PHC3: variants seen among roughly 807,000 people sequenced by gnomAD.
The protein encoded by PHC3 is polyhomeotic-like protein 3.
A neutral mutation model predicts 107.4 loss-of-function variants in PHC3; 13 were observed. The observed-to-expected ratio is 0.12, with a 90% CI of 0.08 to 0.19. The LOEUF (loss-of-function observed/expected upper bound fraction) is 0.19, where lower values mean the gene tolerates loss of function less well. Ranked by LOEUF, PHC3 falls within the 10% of genes least tolerant of loss-of-function variation. The probability of loss-of-function intolerance (pLI) is 1.00; values close to 1 mark genes in which losing one functional copy is unlikely to be tolerated. For synonymous variants in PHC3, 456 were observed against 427.4 expected (o/e 1.07, Z -0.83); for missense variants, 992 against 1,210.9 (o/e 0.82, Z 2.68).
Position 170,178,935 on chromosome 3 carries a change from A to C in PHC3, c.18T>G (p.Phe6Leu), listed in dbSNP as rs757267429. Residue 6 changes from phenylalanine (F) to leucine (L), a missense_variant, in exon 2 of 15, where the codon TTT becomes TTG. Physicochemically the swap from Phe to Leu is conservative, Grantham distance 22. Transcript: ENST00000495893. The stretch of plus-strand genomic sequence containing the variant: ...TATCCATAGCTGTACTATGGTCCTT[A>C]AATCTGGCAGGTCACACAAAGTGTT... MAEAE[F>L]KDHSTAMDTE... 1 of 1,611,352 alleles carries C rather than the reference A, an allele frequency of 6.2e-7. No homozygotes were observed. Among genetic ancestry groups the C allele is most frequent in the Admixed American group, 1.7e-5 (1 of 59,808 alleles).
intron 3 of PHC3, among the ~76,000 whole-genome samples, chr3:170,172,145 G>A (rs1378151058): frequency 6.6e-6 from 1 of 151,916 alleles, no homozygotes; most frequent in Non-Finnish European, 1.5e-5. Flanking sequence ...TGATAGACAG[G>A]GAAAAGGAAC....
chr3:170,118,284 C>T (rs775653911), intron 9 of PHC3, among the ~76,000 whole-genome samples: 5 of 152,134 alleles, frequency 3.3e-5, no homozygotes, highest in African/African-American at 4.8e-5. Flanking sequence ...AGGTACATGT[C>T]GCCCAAGCTG....
chr3:170,126,528 A>ATATTT (rs370421296), intron 8 of PHC3, among the ~76,000 whole-genome samples: 246 of 90,578 alleles, frequency 2.7e-3, no homozygotes, highest in East Asian at 4.6e-3. Context: ...ATATATATAT[A>ATATTT]TTTTTTTTTT....
rs1307983475 is a variant in PHC3, at chr3:170,096,382, C to T, written c.*848G>A. On this transcript the variant is annotated 3_prime_UTR_variant, in exon 15 of 15. Coordinates refer to ENST00000495893, the MANE Select transcript of PHC3 (RefSeq NM_024947.4). ...CCTTGGCAGTACCGATATTTTTGAA[C>T]CAATAATTCTTTACAGTGGAGGGGT... 6.6e-6 allele frequency: 1 copy of T among 152,024 alleles called. No homozygotes were observed. Among genetic ancestry groups the T allele is most frequent in the Non-Finnish European group, 1.5e-5 (1 of 67,988 alleles). 9.4% of individuals were successfully genotyped at this position (152,024 alleles called of 1,614,324 possible). A position where few individuals can be genotyped will look rare whatever the true frequency, so the allele number is the denominator to read the frequency against.
At chr3:170,159,251 C>CAAAAAA (rs1278767405) in intron 4 of PHC3, among the ~76,000 whole-genome samples, 1 of 69,558 alleles carries the variant, frequency 1.4e-5, no homozygotes, top group Non-Finnish European at 3.1e-5. Context: ...GACTCGGTCT[C>CAAAAAA]AAAAAAAAAA....
At chr3:170,106,992 T>C in intron 11 of PHC3, 46 bp from the exon 12 acceptor site, 1 of 1,400,852 alleles carries the variant, frequency 7.1e-7, no homozygotes, top group Non-Finnish European at 9.8e-7. Context: ...AAAAATTTAA[T>C]TATGCAAATT....
chr3:170,145,450 T>C lies in PHC3; in HGVS notation c.645A>G (p.Ser215=), dbSNP rs1324843473. The change falls in exon 6 of 15, where the codon TCA becomes TCG. Residue 215 remains serine, a synonymous_variant. Coordinates refer to ENST00000495893, the MANE Select transcript of PHC3 (RefSeq NM_024947.4). ...GAGTAGCTGCAGACTGACAGGAAGA[T>C]GACGATGACGACGAGACAACAGGAA... The part of the protein sequence containing the change: ...SDIPVVSSSS[S]SSCQSAATQV... The C allele has an allele frequency of 6.2e-7, 1 of 1,613,656 alleles. No individual in the cohort carries two copies. Among genetic ancestry groups the C allele is most frequent in the Non-Finnish European group, 8.5e-7 (1 of 1,179,660 alleles).
chr3:170,147,926 T>C (rs929361557), intron 5 of PHC3: 1 of 152,216 alleles, frequency 6.6e-6, no homozygotes, highest in African/African-American at 2.4e-5. Context: ...AACCTAATTT[T>C]AAAGCATAGT....
At chr3:170,102,052 TAA>T in intron 14 of PHC3, 1 of 817,544 alleles carries the variant, frequency 1.2e-6, no homozygotes, top group Non-Finnish European at 1.5e-6. Flanking sequence ...TTCAAAAATG[TAA>T]AAAAAAGAAA....
At chr3:170,117,196 A>AAC (rs771448908) in intron 10 of PHC3, 30 bp downstream of exon 10, 5 of 1,613,308 alleles carry the variant, frequency 3.1e-6, no homozygotes, top group Non-Finnish European at 4.2e-6. Context: ...ATAAATTACA[A>AAC]ACACACACAC....
intron 1 of PHC3, among the ~76,000 whole-genome samples, chr3:170,181,001 G>A (rs947427911): frequency 6.6e-6 from 1 of 152,222 alleles, no homozygotes; most frequent in African/African-American, 2.4e-5. Context: ...GGCCTACCCA[G>A]GAAACAGTAA....
chr3:170,126,530 T>TATATATCTATA (rs1560059403), intron 8 of PHC3, among the ~76,000 whole-genome samples: 2 of 72,890 alleles, frequency 2.7e-5, no homozygotes, highest in African/African-American at 1.2e-4. Context: ...ATATATATAT[T>TATATATCTATA]TTTTTTTTTT....
intron 7 of PHC3, among the ~76,000 whole-genome samples, chr3:170,129,873 T>C (rs753825216): frequency 6.6e-6 from 1 of 152,128 alleles, no homozygotes; most frequent in Non-Finnish European, 1.5e-5. Context: ...CTAACTTCTG[T>C]ATTTTTAGTA....
intron 2 of PHC3, 95 bp from the exon 3 acceptor site, chr3:170,172,807 C>T (rs966029891): frequency 7.9e-6 from 10 of 1,272,496 alleles, no homozygotes; most frequent in Non-Finnish European, 1.1e-5. Flanking sequence ...TTTAAAATTT[C>T]ACTGCTTTAA....
chr3:170,134,099 A>C (rs1722676727), intron 7 of PHC3, among the ~76,000 whole-genome samples: 2 of 151,962 alleles, frequency 1.3e-5, no homozygotes, highest in African/African-American at 4.8e-5. Context: ...TAGTGTAAAA[A>C]CCCAGCTTTT....
chr3:170,180,570 T>G (rs1188139188), intron 1 of PHC3, among the ~76,000 whole-genome samples: 5 of 151,552 alleles, frequency 3.3e-5, no homozygotes, highest in African/African-American at 4.8e-5. Flanking sequence ...TTCTGTTTTT[T>G]TTTTTTTTTT....
intron 2 of PHC3, among the ~76,000 whole-genome samples, chr3:170,176,246 G>C (rs1019231192): frequency 1.5e-5 from 2 of 129,264 alleles, no homozygotes; most frequent in African/African-American, 5.6e-5. Context: ...AAAAAAAAAA[G>C]ATCTAAATCC....
At chr3:170,148,739 T>A (rs1725419481) in intron 5 of PHC3, 1 of 165,778 alleles carries the variant, frequency 6.0e-6, no homozygotes, top group African/African-American at 2.4e-5. Context: ...CCACTGTAAG[T>A]ACCAAGATGC....
chr3:170,146,877 C>CTTTT (rs1035803336), intron 5 of PHC3, among the ~76,000 whole-genome samples: 15 of 97,992 alleles, frequency 1.5e-4, no homozygotes, highest in East Asian at 3.0e-4. Flanking sequence ...TCTATTTTTT[C>CTTTT]TTTTTTTTTT....
Sources: allele counts gnomAD v4.1 joint callset (sites outside exome capture counted in the v4.1 genomes callset), GRCh38; gene constraint gnomAD v4.1.1; transcripts MANE v1.5; gene names NCBI Gene and HGNC (gene_info 2026-07-23, HGNC 2026-07-21).